The following ERC2 variants were observed in gnomAD, a reference collection of about 807,000 sequenced individuals.
ERC2 encodes ERC protein 2.
ERC2 carries 42 observed loss-of-function variants against 114.8 expected under a neutral mutation model. The observed-to-expected ratio is 0.37, with a 90% CI of 0.29 to 0.47. The LOEUF (loss-of-function observed/expected upper bound fraction) is 0.47. Ranked by LOEUF, ERC2 falls within the 20% of genes least tolerant of loss-of-function variation. ERC2 has a pLI of 0.99. For synonymous variants in ERC2, 454 were observed against 425.5 expected (o/e 1.07, Z -0.82); for missense variants, 939 against 1,150.7 (o/e 0.82, Z 2.66).
At chr3:55,564,310 A>G (rs1220521177) in intron 17 of ERC2, among the ~76,000 whole-genome samples, 1 of 152,244 alleles carries the variant, frequency 6.6e-6, no homozygotes, top group African/African-American at 2.4e-5. Context: ...GTCTAGTTAG[A>G]GTATTTCATA....
intron 16 of ERC2, among the ~76,000 whole-genome samples, chr3:55,686,306 C>T (rs1161333680): frequency 6.6e-6 from 1 of 152,124 alleles, no homozygotes; most frequent in Non-Finnish European, 1.5e-5. Flanking sequence ...CTTTCATGAA[C>T]TCAGAATATT....
intron 3 of ERC2, among the ~76,000 whole-genome samples, chr3:56,233,154 A>C (rs1393152527): frequency 6.6e-6 from 1 of 152,200 alleles, no homozygotes; most frequent in Non-Finnish European, 1.5e-5. Flanking sequence ...ATGCTCAATC[A>C]ATATTGCCAA....
chr3:56,186,630 C>G (rs543659480), intron 3 of ERC2, among the ~76,000 whole-genome samples: 1 of 152,270 alleles, frequency 6.6e-6, no homozygotes, highest in East Asian at 1.9e-4. Flanking sequence ...CCTCTGCCTC[C>G]TGGGTTCAGG....
At chr3:56,311,550 C>T (rs2056580239) in intron 2 of ERC2, among the ~76,000 whole-genome samples, 1 of 151,680 alleles carries the variant, frequency 6.6e-6, no homozygotes, top group Non-Finnish European at 1.5e-5. Flanking sequence ...CCGCCCGCCT[C>T]GGCCTTCTAA....
At chr3:55,691,248 C>G (rs2062624438) in intron 16 of ERC2, among the ~76,000 whole-genome samples, 1 of 151,954 alleles carries the variant, frequency 6.6e-6, no homozygotes, top group African/African-American at 2.4e-5. Context: ...TATTTCTTAA[C>G]CTGCTAAACA....
chr3:56,454,596 A>T, intron 1 of ERC2, among the ~76,000 whole-genome samples: 1 of 152,196 alleles, frequency 6.6e-6, no homozygotes, highest in East Asian at 1.9e-4. Context: ...ATTCATCCTT[A>T]AAAAAGAAAT....
chr3:55,839,142 A>G (rs1183231633), intron 14 of ERC2, among the ~76,000 whole-genome samples: 8 of 151,846 alleles, frequency 5.3e-5, no homozygotes, highest in Admixed American at 5.3e-4. Context: ...AAGATTTCCC[A>G]CCAGACACAA....
intron 16 of ERC2, among the ~76,000 whole-genome samples, chr3:55,691,736 A>G (rs2062681334): frequency 1.3e-5 from 2 of 151,700 alleles, no homozygotes; most frequent in South Asian, 4.2e-4. Flanking sequence ...TGTATGTTCC[A>G]TAACTATACT....
chr3:56,186,580 G>A lies in ERC2; in HGVS notation c.1075-13060C>T, dbSNP rs138846451. Reference sequence around the variant, plus strand: ...GAGTTTCGCTCTTGTTGCCCAGGCTGGAGTGCAATGGTGTGATCTCAGCTC... The same window carrying A: ...GAGTTTCGCTCTTGTTGCCCAGGCTAGAGTGCAATGGTGTGATCTCAGCTC... On this transcript the variant is annotated intron_variant, in intron 3 of 17. Coordinates refer to ENST00000288221, the MANE Select transcript of ERC2 (RefSeq NM_015576.3). Among the ~76,000 whole-genome samples, 392 of 152,272 alleles carry A rather than the reference G, an allele frequency of 2.6e-3. 1 individual carries two copies. The highest frequency in any genetic ancestry group is 0.018 in the South Asian group (86 of 4,818).
intron 17 of ERC2, among the ~76,000 whole-genome samples, chr3:55,582,141 C>A (rs1243920262): frequency 4.6e-5 from 7 of 152,210 alleles, no homozygotes; most frequent in Non-Finnish European, 1.0e-4. Flanking sequence ...CCATAGGAAG[C>A]AATTCCTCGT....
intron 4 of ERC2, among the ~76,000 whole-genome samples, chr3:56,151,551 A>G (rs2081411877): frequency 6.6e-6 from 1 of 152,212 alleles, no homozygotes; most frequent in African/African-American, 2.4e-5. Context: ...ACGCCAAACC[A>G]GAGAAGGACA....
chr3:56,419,676 T>TA (rs1316061488), intron 2 of ERC2, among the ~76,000 whole-genome samples: 1 of 152,176 alleles, frequency 6.6e-6, no homozygotes, highest in Non-Finnish European at 1.5e-5. Context: ...CTGGGAACTA[T>TA]TTACTCCCAA....
At chr3:55,728,577 G>T (rs2065061423) in intron 15 of ERC2, among the ~76,000 whole-genome samples, 1 of 152,178 alleles carries the variant, frequency 6.6e-6, no homozygotes, top group Admixed American at 6.5e-5. Context: ...CCTGGGAAGG[G>T]TTTTCAGCAG....
intron 2 of ERC2, among the ~76,000 whole-genome samples, chr3:56,397,764 T>C (rs1170888537): frequency 6.6e-6 from 1 of 152,186 alleles, no homozygotes; most frequent in Non-Finnish European, 1.5e-5. Flanking sequence ...ATAGTACTTT[T>C]TTACAATTTG....
At chr3:56,169,520 G>C (rs978387936) in intron 4 of ERC2, among the ~76,000 whole-genome samples, 1 of 152,092 alleles carries the variant, frequency 6.6e-6, no homozygotes, top group African/African-American at 2.4e-5. Context: ...GTAGCCATTT[G>C]CTCACAGGCA....
At chr3:56,173,622 T>G in intron 3 of ERC2, 102 bp from the exon 4 acceptor site, 1 of 1,034,054 alleles carries the variant, frequency 9.7e-7, no homozygotes, top group African/African-American at 1.6e-5. Context: ...TGGTTCCCCT[T>G]GCACAGACAT....
intron 17 of ERC2, among the ~76,000 whole-genome samples, chr3:55,524,267 G>A (rs2107225496): frequency 6.6e-6 from 1 of 152,262 alleles, no homozygotes; most frequent in African/African-American, 2.4e-5. Context: ...TCATGCCCAG[G>A]TTATGTATGG....
At chr3:56,050,196 TGTAA>T (rs1018919676) in intron 7 of ERC2, among the ~76,000 whole-genome samples, 12 of 152,302 alleles carry the variant, frequency 7.9e-5, no homozygotes, top group Admixed American at 7.2e-4. Flanking sequence ...TTTAACTGTA[TGTAA>T]GTAATATCTC....
intron 14 of ERC2, among the ~76,000 whole-genome samples, chr3:55,787,752 T>TTTAGTA (rs1462276983): frequency 8.5e-5 from 13 of 152,192 alleles, no homozygotes; most frequent in Non-Finnish European, 1.6e-4. Context: ...CCACTCCATA[T>TTTAGTA]CTGATAATAC....
Sources: gnomAD v4.1 joint callset for allele counts (sites outside exome capture counted in the v4.1 genomes callset) on GRCh38, gnomAD v4.1.1 for gene constraint, MANE v1.5 for transcripts, NCBI Gene and HGNC (gene_info 2026-07-23, HGNC 2026-07-21) for gene names.